The following PTPRA variants were observed in gnomAD, a reference collection of about 807,000 sequenced individuals.
The protein encoded by PTPRA is receptor-type tyrosine-protein phosphatase alpha.
A neutral mutation model predicts 104.8 loss-of-function variants in PTPRA; 25 were observed. That is an observed-to-expected ratio of 0.24 (90% CI 0.17 to 0.33). The LOEUF is 0.33. Ranked by LOEUF, PTPRA falls within the 10% of genes least tolerant of loss-of-function variation. PTPRA has a pLI of 1.00. For synonymous variants in PTPRA, 323 were observed against 368.9 expected, an observed-to-expected ratio of 0.88 and a Z score of 1.43; for missense variants, 765 against 1,015.3, an observed-to-expected ratio of 0.75 and a Z score of 3.35.
chr20:2,925,730 G>A (rs556430592), intron 2 of PTPRA, among the ~76,000 whole-genome samples: 4 of 152,090 alleles, frequency 2.6e-5, no homozygotes, highest in African/African-American at 7.2e-5. Flanking sequence ...CAGGAGAATC[G>A]CTTGAACCTA....
At chr20:2,998,655 A>G (rs1259347090) in intron 9 of PTPRA, among the ~76,000 whole-genome samples, 3 of 152,178 alleles carry the variant, frequency 2.0e-5, no homozygotes, top group Admixed American at 2.0e-4. Context: ...CTTGGAAGGT[A>G]GTAAATTTCC....
Position 3,035,960 on chromosome 20 carries a change from C to T in PTPRA, c.2198+19C>T, listed in dbSNP as rs1053760917. On this transcript the variant is annotated intron_variant, in intron 22 of 23. Transcript: ENST00000399903. This position sits in a 1 kb window ranked among gnomAD's most constrained non-coding sequence, Gnocchi z 5.8. ...ACTGCAGGTATGGCTCACCCTTGCC[C>T]TCAGCGGGAGAGAGAAAGCGAGGAG... 15 of 1,613,020 alleles carry T rather than the reference C, an allele frequency of 9.3e-6. No homozygotes were observed. The highest frequency in any genetic ancestry group is 1.1e-5 in the Non-Finnish European group (13 of 1,179,946).
At chr20:2,896,252 G>A (rs1266089768) in intron 1 of PTPRA, among the ~76,000 whole-genome samples, 1 of 152,018 alleles carries the variant, frequency 6.6e-6, no homozygotes, top group African/African-American at 2.4e-5. Flanking sequence ...GGTGGTGGGT[G>A]CCTGTAATCC....
At position 3,024,540 on chromosome 20, in the gene PTPRA, G is replaced by A. The variant is rs780366300; in HGVS notation, c.1533G>A (p.Val511=). ...HYLYGDTELE[V]TSLETHLQKI... ...TCTATGGAGATACAGAACTGGAAGTGACCTCTCTAGAAACCCACCTGCAGA... is the reference window on the plus strand; with the variant it reads ...TCTATGGAGATACAGAACTGGAAGTAACCTCTCTAGAAACCCACCTGCAGA... Residue 511 remains valine, a synonymous_variant, in exon 17 of 24, where the codon GTG becomes GTA. Coordinates refer to ENST00000399903, the MANE Select transcript of PTPRA (RefSeq NM_001385305.1). 1.9e-5 allele frequency: 30 copies of A among 1,613,750 alleles called. No individual in the cohort carries two copies. The highest frequency in any genetic ancestry group is 2.5e-5 in the Non-Finnish European group (30 of 1,179,760).
chr20:2,951,342 C>T (rs1445378289), intron 3 of PTPRA, among the ~76,000 whole-genome samples: 2 of 152,106 alleles, frequency 1.3e-5, no homozygotes, highest in Non-Finnish European at 2.9e-5. Flanking sequence ...CCTCGTGATC[C>T]GCCCACCTCA....
At chr20:2,979,741 G>A (rs1448935414) in intron 6 of PTPRA, among the ~76,000 whole-genome samples, 2 of 152,078 alleles carry the variant, frequency 1.3e-5, no homozygotes, top group Non-Finnish European at 2.9e-5. Context: ...CCAGAGTCTC[G>A]CTAAGTTGCC....
intron 5 of PTPRA, among the ~76,000 whole-genome samples, chr20:2,974,012 C>T (rs1305199688): frequency 4.1e-5 from 6 of 147,122 alleles, no homozygotes; most frequent in African/African-American, 1.5e-4. Flanking sequence ...AGTGCAGTGG[C>T]GTGATCTCTG....
At position 3,035,638 on chromosome 20, in the gene PTPRA, T is replaced by C. The variant is rs2065760326; in HGVS notation, c.1974T>C (p.Ile658=). The C allele has an allele frequency of 1.2e-6, 2 of 1,613,968 alleles. No individual in the cohort carries two copies. The highest frequency in any genetic ancestry group is 1.7e-6 in the Non-Finnish European group (2 of 1,179,868). ...PSDGLVSYGD[I]TVELKKEEEC... The stretch of plus-strand genomic sequence containing the variant: ...ATGGACTGGTGTCCTATGGAGATAT[T>C]ACAGTGGAACTGAAGAAGGAGGAGG... The change falls in exon 21 of 24, where the codon ATT becomes ATC. Residue 658 remains isoleucine, a synonymous_variant. Coordinates refer to ENST00000399903, the MANE Select transcript of PTPRA (RefSeq NM_001385305.1). This position sits in a 1 kb window ranked among gnomAD's most constrained non-coding sequence, Gnocchi z 5.8.
chr20:3,009,329 A>T (rs1339437813), intron 11 of PTPRA, among the ~76,000 whole-genome samples: 1 of 151,972 alleles, frequency 6.6e-6, no homozygotes, highest in Non-Finnish European at 1.5e-5. Flanking sequence ...AATGCAGAGG[A>T]CATGTGGTAC....
rs1257385863 is a variant in PTPRA at position 2,883,600 on chromosome 20, C to T, written c.-129+9840C>T. ...CCGGGAGGCGGAGCTTGCAGTGAGC[C>T]GAGATCGCGCCACTGCACTCCAGCC... On this transcript the variant is annotated intron_variant, in intron 1 of 23. Coordinates refer to ENST00000399903, the MANE Select transcript of PTPRA (RefSeq NM_001385305.1). Among the ~76,000 whole-genome samples the T allele has an allele frequency of 4.8e-4, 10 of 20,828 alleles. 3 individuals carry two copies. Among genetic ancestry groups the T allele is most frequent in the Non-Finnish European group, 6.4e-4 (10 of 15,686 alleles). The allele number at this position is 20,828 out of a possible 152,430, so 13.7% of individuals were successfully genotyped here.
intron 2 of PTPRA, among the ~76,000 whole-genome samples, chr20:2,931,029 C>T (rs2060484917): frequency 6.6e-6 from 1 of 152,154 alleles, no homozygotes; most frequent in Non-Finnish European, 1.5e-5. Context: ...GTTAGCTGCA[C>T]TGGAAGTCAG....
rs200834578 is a variant in PTPRA, at chr20:3,037,245, G to A, written c.2290G>A (p.Val764Ile). The A allele has an allele frequency of 1.4e-5, 23 of 1,614,136 alleles. No homozygotes were observed. Among genetic ancestry groups the A allele is most frequent in the Non-Finnish European group, 3.4e-6 (4 of 1,180,044 alleles). The change falls in exon 23 of 24, where the codon GTC becomes ATC. Residue 764 changes from valine (V) to isoleucine (I), a missense_variant. Coordinates refer to ENST00000399903, the MANE Select transcript of PTPRA (RefSeq NM_001385305.1). The surrounding 1 kb of genome is among the most constrained non-coding windows in gnomAD (Gnocchi z 4.3). ...GGGGATTTTGGATGTCTTCCAGACT[G>A]TCAAGAGCCTGCGGCTACAGAGGCC... is the stretch of plus-strand genomic sequence containing the variant. ...AEGILDVFQT[V>I]KSLRLQRPHM...
intron 1 of PTPRA, among the ~76,000 whole-genome samples, chr20:2,882,401 T>C (rs545218676): frequency 6.6e-6 from 1 of 151,886 alleles, no homozygotes; most frequent in South Asian, 2.1e-4. Flanking sequence ...GTGATCATCC[T>C]ACCTCAGCCT....
intron 3 of PTPRA, among the ~76,000 whole-genome samples, chr20:2,954,326 A>C (rs2061461134): frequency 6.6e-6 from 1 of 151,698 alleles, no homozygotes; most frequent in Admixed American, 6.6e-5. Context: ...TGATCCACCC[A>C]CCTTGACCTC....
chr20:3,015,422 C>G (rs1287668265), intron 11 of PTPRA, among the ~76,000 whole-genome samples: 1 of 151,632 alleles, frequency 6.6e-6, no homozygotes. Context: ...ATTCTCTTGC[C>G]TTAGCCACCC....
At chr20:2,864,330 G>T in the PTPRA span, 1 of 1,614,064 alleles carries the variant, frequency 6.2e-7, no homozygotes, top group South Asian at 1.1e-5. This position sits in a 1 kb window ranked among gnomAD's most constrained non-coding sequence, Gnocchi z 5.2. Flanking sequence ...GTGGGAGCCT[G>T]GCTGGAATTC....
chr20:2,978,129 G>A (rs1042111166), intron 6 of PTPRA, among the ~76,000 whole-genome samples: 2 of 152,158 alleles, frequency 1.3e-5, no homozygotes, highest in African/African-American at 2.4e-5. Flanking sequence ...CAGAATGGGT[G>A]TGGTGGTCCA....
At chr20:2,965,233 C>A in intron 5 of PTPRA, 31 bp downstream of exon 5, 1 of 1,532,464 alleles carries the variant, frequency 6.5e-7, no homozygotes. Context: ...TGTTCTTTTG[C>A]TCTTTGAGTT....
the PTPRA span, among the ~76,000 whole-genome samples, chr20:2,867,539 CA>C: frequency 6.7e-6 from 1 of 148,654 alleles, no homozygotes; most frequent in South Asian, 2.2e-4. Context: ...CACTCCAGTG[CA>C]CCCCCTCTGC....
Sources: gnomAD v4.1 joint callset for allele counts (sites outside exome capture counted in the v4.1 genomes callset) on GRCh38, gnomAD v4.1.1 for gene constraint, Gnocchi (gnomAD v3.1) non-coding constraint, MANE v1.5 for transcripts, NCBI Gene and HGNC (gene_info 2026-07-23, HGNC 2026-07-21) for gene names.